CALCOCO2: variants seen among roughly 807,000 people sequenced by gnomAD.
CALCOCO2 encodes the protein calcium-binding and coiled-coil domain-containing protein 2.
A neutral mutation model predicts 62.5 loss-of-function variants in CALCOCO2; 42 were observed. The observed-to-expected ratio is 0.67, with a 90% confidence interval of 0.53 to 0.87. The LOEUF is 0.87. CALCOCO2 is among the 40% of genes least tolerant of loss of function. The probability of loss-of-function intolerance (pLI) is 0.00; values close to 1 mark genes in which losing one functional copy is unlikely to be tolerated. For synonymous variants in CALCOCO2, 167 were observed against 173.0 expected (o/e 0.97, Z 0.27); for missense variants, 456 against 515.0 (o/e 0.89, Z 1.11).
At chr17:48,860,287 A>G in intron 10 of CALCOCO2, 27 bp from the exon 11 acceptor site, 1 of 1,605,428 alleles carries the variant, frequency 6.2e-7, no homozygotes, top group South Asian at 1.1e-5. Flanking sequence ...TTGTCTTTCA[A>G]CATGTCTATA....
At chr17:48,843,581 A>G (rs1186881617) in intron 2 of CALCOCO2, among the ~76,000 whole-genome samples, 1 of 152,170 alleles carries the variant, frequency 6.6e-6, no homozygotes, top group East Asian at 1.9e-4. Context: ...TGGTGTTTGG[A>G]GATAGGGATT....
At chr17:48,856,366 T>G in intron 10 of CALCOCO2, 179 bp downstream of exon 10, 1 of 535,302 alleles carries the variant, frequency 1.9e-6, no homozygotes, top group Non-Finnish European at 3.4e-6. Flanking sequence ...CAAAACCCTG[T>G]CTTTATTCTA....
In CALCOCO2 at chr17:48,862,965, A is replaced by G. The variant is rs997039140; in HGVS notation, c.1301A>G (p.Lys434Arg). Reference sequence around the variant, plus strand: ...GACAAGATCTTCCCAGCTACAGAGAAGCAGATCTTTGAAGACCACGTGTTC... The same window carrying G: ...GACAAGATCTTCCCAGCTACAGAGAGGCAGATCTTTGAAGACCACGTGTTC... The part of the protein sequence containing the change: ...ICDKIFPATE[K>R]QIFEDHVFCH... The change falls in exon 13 of 13, where the codon AAG becomes AGG. Residue 434 changes from lysine (K) to arginine (R), a missense_variant. Lys to Arg is a conservative substitution (Grantham distance 26, BLOSUM62 2). Around this residue, in one of 3 missense-constraint regions of CALCOCO2, gnomAD observed 172 missense variants for 210.3 expected, o/e 0.82. Transcript: ENST00000258947. The G allele has an allele frequency of 2.5e-6, 4 of 1,613,898 alleles. No homozygotes were observed. The highest frequency in any genetic ancestry group is 3.4e-6 in the Non-Finnish European group (4 of 1,179,736).
chr17:48,858,029 G>GAA (rs1176370878), intron 10 of CALCOCO2, among the ~76,000 whole-genome samples: 928 of 20,170 alleles, frequency 0.046, 13 homozygotes, highest in Middle Eastern at 0.1. Flanking sequence ...GAATAGAATA[G>GAA]AATAGAATAG....
chr17:48,849,794 G>A (rs754901358), intron 5 of CALCOCO2, among the ~76,000 whole-genome samples: 8 of 151,772 alleles, frequency 5.3e-5, no homozygotes, highest in Admixed American at 6.6e-5. Context: ...ATGAGCCACC[G>A]TCCCTGTCTG....
At chr17:48,855,491 T>C (rs2040202260) in intron 9 of CALCOCO2, among the ~76,000 whole-genome samples, 1 of 152,128 alleles carries the variant, frequency 6.6e-6, no homozygotes, top group Non-Finnish European at 1.5e-5. Context: ...TGCACATGTG[T>C]ATGTATGCAG....
chr17:48,863,067 T>A lies in CALCOCO2; in HGVS notation c.*62T>A. ...AGAATAGAACCTATAGCTTCTACCA[T>A]GAGTTATATGAGTCAAGATCCTGCC... On this transcript the variant is annotated 3_prime_UTR_variant, in exon 13 of 13. Coordinates refer to ENST00000258947, the MANE Select transcript of CALCOCO2 (RefSeq NM_005831.5). The A allele has an allele frequency of 8.4e-7, 1 of 1,190,980 alleles. No individual in the cohort carries two copies. Among genetic ancestry groups the A allele is most frequent in the Non-Finnish European group, 1.3e-6 (1 of 795,588 alleles). 73.8% of individuals were successfully genotyped at this position (1,190,980 alleles called of 1,614,324 possible).
rs1169535080 is a variant in CALCOCO2, at chr17:48,852,647, A to AC, written c.825+20dup. On this transcript the variant is annotated intron_variant, in intron 8 of 12. Coordinates refer to ENST00000258947, the MANE Select transcript of CALCOCO2 (RefSeq NM_005831.5). ...TGAACAGGTAGAGTCATGAGAGAAA[A>AC]CAACACTTTTAGGCATTTGCAAGAA... is the stretch of plus-strand genomic sequence containing the variant. The AC allele has an allele frequency of 6.2e-6, 10 of 1,606,008 alleles. 1 individual carries two copies. The South Asian group carries it at 1.1e-4, about 18-fold the overall frequency.
At chr17:48,836,654 T>C (rs2039895153) in intron 1 of CALCOCO2, among the ~76,000 whole-genome samples, 1 of 151,936 alleles carries the variant, frequency 6.6e-6, no homozygotes, top group African/African-American at 2.4e-5. Flanking sequence ...TTGGATGCTA[T>C]GGGAGAATGG....
chr17:48,853,057 A>G, intron 9 of CALCOCO2, 45 bp downstream of exon 9: 1 of 1,317,990 alleles, frequency 7.6e-7, no homozygotes, highest in Non-Finnish European at 1.1e-6. Flanking sequence ...GCCTATAGGG[A>G]TGTAGAAGAA....
chr17:48,845,924 C>G (rs1004376281), intron 2 of CALCOCO2: 9 of 470,468 alleles, frequency 1.9e-5, no homozygotes, highest in Non-Finnish European at 3.0e-5. Context: ...TCCTCCTCTA[C>G]TCTGCTGAAT....
At chr17:48,838,884 C>A (rs973255705) in intron 1 of CALCOCO2, among the ~76,000 whole-genome samples, 3 of 151,996 alleles carry the variant, frequency 2.0e-5, no homozygotes, top group African/African-American at 7.3e-5. Flanking sequence ...CTAGTAAAAC[C>A]CTAAATTGAG....
At chr17:48,862,748 A>G in intron 12 of CALCOCO2, 90 bp from the exon 13 acceptor site, 4 of 982,896 alleles carry the variant, frequency 4.1e-6, no homozygotes, top group Non-Finnish European at 1.6e-6. Context: ...TCATTATGCT[A>G]GGCACTGAGG....
chr17:48,856,776 T>C (rs2040221685), intron 10 of CALCOCO2, among the ~76,000 whole-genome samples: 1 of 151,746 alleles, frequency 6.6e-6, no homozygotes, highest in South Asian at 2.1e-4. Flanking sequence ...GTTCTTTCTT[T>C]TCTTTTTTTT....
At chr17:48,859,701 T>A in intron 10 of CALCOCO2, among the ~76,000 whole-genome samples, 1 of 152,204 alleles carries the variant, frequency 6.6e-6, no homozygotes, top group Non-Finnish European at 1.5e-5. Flanking sequence ...TCCTGCCACT[T>A]TCATATATCT....
chr17:48,844,083 A>G lies in CALCOCO2; in HGVS notation c.180+2196A>G, dbSNP rs577510873. On this transcript the variant is annotated intron_variant, in intron 2 of 12. Transcript: ENST00000258947. ...TTTTTAGTAGAGATAGGGTTTCTCC[A>G]TGCTGGTCAGGCTGGTCTCGAACTC... is the stretch of plus-strand genomic sequence containing the variant. The G allele has an allele frequency of 4.6e-5, 7 of 152,466 alleles. No homozygotes were observed. The East Asian group carries it at 1.4e-3, about 30-fold the overall frequency. 9.4% of individuals were successfully genotyped at this position (152,466 alleles called of 1,614,324 possible).
rs1430351049 is a variant in CALCOCO2, at chr17:48,857,994, G to GA, written c.1008+1809dup. 3.6e-4 allele frequency among the ~76,000 whole-genome samples: 7 copies of GA among 19,214 alleles called. 1 individual carries two copies. The East Asian group carries it at 6.9e-3, about 19-fold the overall frequency. The allele number at this position is 19,214 out of a possible 152,430, so 12.6% of individuals were successfully genotyped here. On this transcript the variant is annotated intron_variant, in intron 10 of 12. Coordinates refer to ENST00000258947, the MANE Select transcript of CALCOCO2 (RefSeq NM_005831.5). Reference sequence around the variant, plus strand: ...TACATCAATAGAATAGAATAGAATAGAATAGAATAGAATAGAATAGAATAG... The same window carrying GA: ...TACATCAATAGAATAGAATAGAATAGAAATAGAATAGAATAGAATAGAATAG...
At chr17:48,848,295 G>C in intron 3 of CALCOCO2, 27 bp from the exon 4 acceptor site, 1 of 1,606,868 alleles carries the variant, frequency 6.2e-7, no homozygotes, top group Non-Finnish European at 8.5e-7. Context: ...ATCTTATTTT[G>C]GATGAAAAAT....
chr17:48,862,302 C>T lies in CALCOCO2; in HGVS notation c.1171C>T (p.Pro391Ser). ...SGIQESSSPS[P>S]LSIKKCPICK... The stretch of plus-strand genomic sequence containing the variant: ...TATCCAAGAAAGTTCTTCCCCCAGC[C>T]CGGTAAGTATTTGATTCATGAGAAT... Residue 391 changes from proline (P) to serine (S), a missense_variant and splice_region_variant, in exon 12 of 13, where the codon CCG (proline) becomes TCG (serine). Transcript: ENST00000258947. 1.3e-6 allele frequency: 2 copies of T among 1,585,564 alleles called. No individual in the cohort carries two copies. Among genetic ancestry groups the T allele is most frequent in the South Asian group, 1.1e-5 (1 of 90,556 alleles).
Sources: allele counts gnomAD v4.1 joint callset (sites outside exome capture counted in the v4.1 genomes callset), GRCh38; gene constraint gnomAD v4.1.1; regional missense constraint gnomAD v4.1.1; transcripts MANE v1.5; gene names NCBI Gene and HGNC (gene_info 2026-07-23, HGNC 2026-07-21).